The following PRPF40B variants were observed in gnomAD, a reference collection of about 807,000 sequenced individuals.
PRPF40B encodes the protein pre-mRNA processing factor 40B.
PRPF40B carries 56 observed loss-of-function variants against 124.5 expected under a neutral mutation model. That is an observed-to-expected ratio of 0.45 (90% CI 0.36 to 0.56). PRPF40B has a LOEUF of 0.56. Ranked by LOEUF, PRPF40B falls within the 20% of genes least tolerant of loss-of-function variation. The probability of loss-of-function intolerance (pLI) is 0.00; values close to 1 mark genes in which losing one functional copy is unlikely to be tolerated. For missense variants in PRPF40B, 1,053 were observed against 1,169.5 expected (o/e 0.90, Z 1.45); for synonymous variants, 443 against 426.4 (o/e 1.04, Z -0.48).
In PRPF40B at chr12:49,635,923, A is replaced by C. The variant is rs778784554; in HGVS notation, c.1356A>C (p.Gln452His). ...ILDGMSSVNF[Q>H]TTWSQAQQYL... ...ATGGGATGAGTAGTGTCAACTTCCA[A>C]ACCACGTGGTCCCAGGCCCAGCAGT... The change falls in exon 15 of 26, where the codon CAA becomes CAC. Residue 452 changes from glutamine to histidine, a missense_variant. Physicochemically the swap from Gln to His is conservative, Grantham distance 24. This residue lies in a region of PRPF40B where 895 missense variants were observed against 1,052.2 expected (regional missense o/e 0.85). Coordinates refer to ENST00000548825, the MANE Select transcript of PRPF40B (RefSeq NM_001031698.3). The surrounding 1 kb of genome is among the most constrained non-coding windows in gnomAD (Gnocchi z 4.1). 6.2e-7 allele frequency: 1 copy of C among 1,613,900 alleles called. No individual in the cohort carries two copies. The highest frequency in any genetic ancestry group is 8.5e-7 in the Non-Finnish European group (1 of 1,179,958).
At chr12:49,632,947 T>C in intron 6 of PRPF40B, 67 bp downstream of exon 6, 1 of 1,611,924 alleles carries the variant, frequency 6.2e-7, no homozygotes, top group Non-Finnish European at 8.5e-7. Context: ...TAGTTAAATC[T>C]TTGGGGTGAG....
At chr12:49,638,192 A>C (rs1047991291) in intron 18 of PRPF40B, 2 of 197,972 alleles carry the variant, frequency 1.0e-5, no homozygotes, top group Non-Finnish European at 2.1e-5. Flanking sequence ...GCCAGGTCTG[A>C]GGAGGAAGAA....
Position 49,642,986 on chromosome 12 carries a change from G to C in PRPF40B, c.2175G>C (p.Lys725Asn), listed in dbSNP as rs758453530. The C allele has an allele frequency of 5.6e-6, 9 of 1,613,784 alleles. No individual in the cohort carries two copies. The Admixed American group carries it at 1.5e-4, about 27-fold the overall frequency. ...KGRKHGRKGK[K>N]HHHKRSHSPS... ...GAAAGCATGGCAGGAAAGGCAAGAA[G>C]CACCATCACAAGCGTTCCCACTCAC... is the stretch of plus-strand genomic sequence containing the variant. The change falls in exon 22 of 26, where the codon AAG (lysine) becomes AAC (asparagine). Residue 725 changes from lysine to asparagine, a missense_variant. Physicochemically the swap from Lys to Asn is moderately conservative, Grantham distance 94. This residue lies in a region of PRPF40B where 895 missense variants were observed against 1,052.2 expected (regional missense o/e 0.85). Coordinates refer to ENST00000548825, the MANE Select transcript of PRPF40B (RefSeq NM_001031698.3). The surrounding 1 kb of genome is among the most constrained non-coding windows in gnomAD (Gnocchi z 5.8).
chr12:49,643,323 C>T lies in PRPF40B; in HGVS notation c.2306C>T (p.Ser769Leu). Residue 769 changes from serine (S) to leucine (L), a missense_variant, in exon 23 of 26, where the codon TCA becomes TTA. Physicochemically the swap from Ser to Leu is moderately radical, Grantham distance 145. This residue lies in a region of PRPF40B where 895 missense variants were observed against 1,052.2 expected (regional missense o/e 0.85). Coordinates refer to ENST00000548825, the MANE Select transcript of PRPF40B (RefSeq NM_001031698.3). ...PSESGSEPSSSLDSVESGGAA... is the reference protein window; with the variant it reads ...PSESGSEPSSLLDSVESGGAA... Reference sequence around the variant, plus strand: ...GAGTCAGGCTCTGAGCCCTCTTCCTCACTTGATTCAGTTGAAAGTGGGGGT... The same window carrying T: ...GAGTCAGGCTCTGAGCCCTCTTCCTTACTTGATTCAGTTGAAAGTGGGGGT... The T allele has an allele frequency of 6.2e-7, 1 of 1,608,674 alleles. No homozygotes were observed. The highest frequency in any genetic ancestry group is 8.5e-7 in the Non-Finnish European group (1 of 1,177,740).
At position 49,634,129 on chromosome 12, in the gene PRPF40B, C is replaced by G. The variant is rs201523293; in HGVS notation, c.812+37C>G. 19 of 1,600,494 alleles carry G rather than the reference C, an allele frequency of 1.2e-5. No homozygotes were observed. In the East Asian group the frequency reaches 2.9e-4, roughly 25 times the overall value. The stretch of plus-strand genomic sequence containing the variant: ...CCCCCATGGCATTCCCAATGTTGGC[C>G]TCAGACTCCCAGCCTGGTTCAACCC... On this transcript the variant is annotated intron_variant, in intron 10 of 25. Transcript: ENST00000548825.
At position 49,632,027 on chromosome 12, in the gene PRPF40B, G is replaced by A. The variant is rs1351165672; in HGVS notation, c.294+102G>A. Reference sequence around the variant, plus strand: ...CCTCCATTCTTTCCCTCTTCTCATCGCATCCACCCAGGTCCCCGGCAGCAC... The same window carrying A: ...CCTCCATTCTTTCCCTCTTCTCATCACATCCACCCAGGTCCCCGGCAGCAC... On this transcript the variant is annotated intron_variant, in intron 4 of 25. Coordinates refer to ENST00000548825, the MANE Select transcript of PRPF40B (RefSeq NM_001031698.3). 1.5e-5 allele frequency: 18 copies of A among 1,194,366 alleles called. 1 individual carries two copies. Among genetic ancestry groups the A allele is most frequent in the Admixed American group, 1.0e-4 (6 of 59,032 alleles). The allele number at this position is 1,194,366 out of a possible 1,614,324, so 74.0% of individuals were successfully genotyped here.
rs1260334769 is a variant in PRPF40B, at chr12:49,642,516, A to T, written c.2023-64A>T. 2.5e-6 allele frequency: 4 copies of T among 1,592,346 alleles called. No individual in the cohort carries two copies. The highest frequency in any genetic ancestry group is 3.4e-6 in the Non-Finnish European group (4 of 1,161,326). ...TCTGCCCCAGCCCTGCCCTGTGCTC[A>T]TGGCGGTGTCCAGGCCAGGCTGAGT... On this transcript the variant is annotated intron_variant, in intron 20 of 25. Transcript: ENST00000548825. The surrounding 1 kb of genome is among the most constrained non-coding windows in gnomAD (Gnocchi z 5.8).
In PRPF40B at chr12:49,644,237, T is replaced by G; in HGVS notation, c.*45T>G. The G allele has an allele frequency of 6.2e-7, 1 of 1,601,008 alleles. No homozygotes were observed. The highest frequency in any genetic ancestry group is 8.6e-7 in the Non-Finnish European group (1 of 1,168,864). Reference sequence around the variant, plus strand: ...CCTCGGGTCTGTGTGAGGCCATGGCTCCTGGGCCACCCTCACCGTCTGCCT... The same window carrying G: ...CCTCGGGTCTGTGTGAGGCCATGGCGCCTGGGCCACCCTCACCGTCTGCCT... On this transcript the variant is annotated 3_prime_UTR_variant, in exon 26 of 26. Coordinates refer to ENST00000548825, the MANE Select transcript of PRPF40B (RefSeq NM_001031698.3).
upstream of PRPF40B, among the ~76,000 whole-genome samples, chr12:49,622,925 TTC>T (rs1940334327): frequency 1.3e-5 from 2 of 152,204 alleles, no homozygotes; most frequent in Non-Finnish European, 2.9e-5. Flanking sequence ...CATTTTTAAC[TTC>T]TGTCAAAGAG....
At chr12:49,633,152 C>G (rs768693982) in intron 7 of PRPF40B, 28 bp downstream of exon 7, 12 of 1,552,902 alleles carry the variant, frequency 7.7e-6, no homozygotes, top group African/African-American at 1.4e-5. Flanking sequence ...CTGGCCCTTC[C>G]TTTCAGCTGC....
At chr12:49,628,535 G>C (rs1045687384) in intron 1 of PRPF40B, among the ~76,000 whole-genome samples, 1 of 150,902 alleles carries the variant, frequency 6.6e-6, no homozygotes, top group Admixed American at 6.6e-5. Context: ...GATTACAGGC[G>C]TGAACCACCG....
At chr12:49,634,187 G>T (rs1247544106) in intron 10 of PRPF40B, 95 bp downstream of exon 10, 3 of 1,574,468 alleles carry the variant, frequency 1.9e-6, no homozygotes, top group Non-Finnish European at 8.6e-7. Context: ...CTCAGGAGGG[G>T]TTTGAAGATC....
At chr12:49,633,376 G>A in intron 7 of PRPF40B, 51 bp from the exon 8 acceptor site, 2 of 1,611,802 alleles carry the variant, frequency 1.2e-6, no homozygotes, top group Non-Finnish European at 8.5e-7. Context: ...CCCCTGACTG[G>A]CTGGAGAACT....
chr12:49,634,795 C>G lies in PRPF40B; in HGVS notation c.1001+193C>G, dbSNP rs115019421. 840 of 658,668 alleles carry G rather than the reference C, an allele frequency of 1.3e-3. 4 individuals carry two copies. The African/African-American group carries it at 0.014, about 11-fold the overall frequency. 40.8% of individuals were successfully genotyped at this position (658,668 alleles called of 1,614,324 possible). A position where few individuals can be genotyped will look rare whatever the true frequency, so the allele number is the denominator to read the frequency against. ...GAAAGGAAAGGTATCTGACACAACA[C>G]GTTCAATAAATGCTTCCTGAATTGA... On this transcript the variant is annotated intron_variant, in intron 12 of 25. Transcript: ENST00000548825.
rs779568315 is a variant in PRPF40B, at chr12:49,636,010, A to G, written c.1426+17A>G. On this transcript the variant is annotated intron_variant, in intron 15 of 25. Coordinates refer to ENST00000548825, the MANE Select transcript of PRPF40B (RefSeq NM_001031698.3). ...AGCTGCAGAGTAAGCCTGGGCCTCC[A>G]ATCCCAGCTATCCCTTTCCCTTTCT... is the stretch of plus-strand genomic sequence containing the variant. The G allele has an allele frequency of 4.0e-5, 65 of 1,613,766 alleles. 1 individual carries two copies. The East Asian group carries it at 1.4e-3, about 35-fold the overall frequency.
In PRPF40B at chr12:49,642,612, T is replaced by TGAGCAGATCACCCTGGAGTCG. The variant is rs1942824699; in HGVS notation, c.2060_2080dup (p.Gln687_Glu693dup). The TGAGCAGATCACCCTGGAGTCG allele has an allele frequency of 6.2e-7, 1 of 1,614,106 alleles. No individual in the cohort carries two copies. ...AGCGTTTTGTGTGTGACTCAGCCTT[T>TGAGCAGATCACCCTGGAGTCG]GAGCAGATCACCCTGGAGTCGGAGC... is the stretch of plus-strand genomic sequence containing the variant. On this transcript the variant is annotated inframe_insertion, in exon 21 of 26. Coordinates refer to ENST00000548825, the MANE Select transcript of PRPF40B (RefSeq NM_001031698.3). The surrounding 1 kb of genome is among the most constrained non-coding windows in gnomAD (Gnocchi z 5.8).
In PRPF40B at chr12:49,633,671, T is replaced by G; in HGVS notation, c.605+10T>G. On this transcript the variant is annotated intron_variant, in intron 9 of 25. Coordinates refer to ENST00000548825, the MANE Select transcript of PRPF40B (RefSeq NM_001031698.3). Reference sequence around the variant, plus strand: ...AACAAGAGGCTGCAGGGTGAGTGACTTGCCCACCTATCCATTTATAGTTGG... The same window carrying G: ...AACAAGAGGCTGCAGGGTGAGTGACGTGCCCACCTATCCATTTATAGTTGG... The G allele has an allele frequency of 6.2e-7, 1 of 1,614,188 alleles. No individual in the cohort carries two copies. Among genetic ancestry groups the G allele is most frequent in the Non-Finnish European group, 8.5e-7 (1 of 1,180,030 alleles).
rs114198494 is a variant in PRPF40B, at chr12:49,633,053, A to G, written c.388A>G (p.Ile130Val). ...WSEHVAPDGR[I>V]YYYNADDKQS... ...TGAGCATGTGGCCCCAGATGGGCGC[A>G]TCTACTACTACAATGCTGACGACAA... Residue 130 changes from isoleucine (I) to valine (V), a missense_variant, in exon 7 of 26, where the codon ATC (isoleucine) becomes GTC (valine). Physicochemically the swap from Ile to Val is conservative, Grantham distance 29. Coordinates refer to ENST00000548825, the MANE Select transcript of PRPF40B (RefSeq NM_001031698.3). 20 of 1,422,072 alleles carry G rather than the reference A, an allele frequency of 1.4e-5. No individual in the cohort carries two copies. The East Asian group carries it at 7.2e-4, about 51-fold the overall frequency. The allele number at this position is 1,422,072 out of a possible 1,614,324, so 88.1% of individuals were successfully genotyped here. A position where few individuals can be genotyped will look rare whatever the true frequency, so the allele number is the denominator to read the frequency against.
chr12:49,632,692 G>A (rs1406051639), intron 5 of PRPF40B, 69 bp downstream of exon 5: 4 of 1,600,834 alleles, frequency 2.5e-6, no homozygotes, highest in Non-Finnish European at 3.4e-6. Context: ...GGGGACCGTG[G>A]ACTGGAGCCC....
Sources: gnomAD v4.1 joint callset for allele counts (sites outside exome capture counted in the v4.1 genomes callset) on GRCh38, gnomAD v4.1.1 for gene constraint, gnomAD v4.1.1 regional missense constraint, Gnocchi (gnomAD v3.1) non-coding constraint, MANE v1.5 for transcripts, NCBI Gene and HGNC (gene_info 2026-07-23, HGNC 2026-07-21) for gene names.